The following ARHGEF10L variants were observed in gnomAD, a reference collection of about 807,000 sequenced individuals.
The protein encoded by ARHGEF10L is rho guanine nucleotide exchange factor 10-like protein.
ARHGEF10L carries 69 observed loss-of-function variants against 141.2 expected under a neutral mutation model. The ratio of observed to expected loss-of-function variants is 0.49; its 90% confidence interval spans 0.40 to 0.60. The LOEUF is 0.60. Ranked by LOEUF, ARHGEF10L falls within the 20% of genes least tolerant of loss-of-function variation. The probability of loss-of-function intolerance (pLI) is 0.00; values close to 1 mark genes in which losing one functional copy is unlikely to be tolerated. For missense variants in ARHGEF10L, 1,482 were observed against 1,734.3 expected, an observed-to-expected ratio of 0.85 and a Z score of 2.58; for synonymous variants, 711 against 718.5, an observed-to-expected ratio of 0.99 and a Z score of 0.17.
rs1283842130 is a variant in ARHGEF10L at position 17,607,706 on chromosome 1, C to A, written c.434-96C>A. The A allele has an allele frequency of 2.3e-6, 3 of 1,306,652 alleles. No homozygotes were observed. The highest frequency in any genetic ancestry group is 2.8e-4 in the Middle Eastern group (1 of 3,576). 80.9% of individuals were successfully genotyped at this position (1,306,652 alleles called of 1,614,324 possible). On this transcript the variant is annotated intron_variant, in intron 6 of 28. Coordinates refer to ENST00000361221, the MANE Select transcript of ARHGEF10L (RefSeq NM_018125.4). The surrounding 1 kb of genome is among the most constrained non-coding windows in gnomAD (Gnocchi z 4.5). ...GCCCCCATGTTCTCCCTGACCCCCCCTCGCCCCACCTGGGTTCAGAAATTG... is the reference window on the plus strand; with the variant it reads ...GCCCCCATGTTCTCCCTGACCCCCCATCGCCCCACCTGGGTTCAGAAATTG...
At chr1:17,574,598 G>A (rs971545482) in intron 1 of ARHGEF10L, among the ~76,000 whole-genome samples, 13 of 152,360 alleles carry the variant, frequency 8.5e-5, no homozygotes, top group African/African-American at 3.1e-4. Flanking sequence ...GAGAGCAGAG[G>A]ATGAGTGTTG....
rs781502644 is a variant in ARHGEF10L, at chr1:17,697,416, G to T, written c.*36G>T. 1.9e-6 allele frequency: 3 copies of T among 1,550,124 alleles called. No homozygotes were observed. The highest frequency in any genetic ancestry group is 2.3e-5 in the East Asian group (1 of 44,214). ...CTCCCCTCAGAGGGCACAGCTGCAG[G>T]CCTGACCAAGGCCACGCCCGGCTCT... On this transcript the variant is annotated 3_prime_UTR_variant, in exon 29 of 29. Coordinates refer to ENST00000361221, the MANE Select transcript of ARHGEF10L (RefSeq NM_018125.4). This position sits in a 1 kb window ranked among gnomAD's most constrained non-coding sequence, Gnocchi z 4.8.
chr1:17,622,816 G>A (rs902875709), intron 11 of ARHGEF10L, among the ~76,000 whole-genome samples, 180 bp from the exon 12 acceptor site: 1 of 152,158 alleles, frequency 6.6e-6, no homozygotes, highest in Non-Finnish European at 1.5e-5. Context: ...TGTGGCCAGT[G>A]AGGCCAGGGG....
chr1:17,587,563 C>G lies in ARHGEF10L; in HGVS notation c.141C>G (p.Ser47Arg), dbSNP rs749338288. Residue 47 changes from serine to arginine, a missense_variant, in exon 3 of 29, where the codon AGC (serine) becomes AGG (arginine). Physicochemically the swap from Ser to Arg is moderately radical, Grantham distance 110. Transcript: ENST00000361221. ...ACAGTGATGATGAAGAGGACACCAG[C>G]GCAGCCCTGGGCGTCCCCAGCCTTG... is the stretch of plus-strand genomic sequence containing the variant. ...FDDSDDEEDTSAALGVPSLAP... is the reference protein window; with the variant it reads ...FDDSDDEEDTRAALGVPSLAP... The G allele has an allele frequency of 1.9e-6, 3 of 1,614,062 alleles. No individual in the cohort carries two copies. Among genetic ancestry groups the G allele is most frequent in the Middle Eastern group, 1.6e-4 (1 of 6,082 alleles).
chr1:17,695,124 G>A, intron 27 of ARHGEF10L, 34 bp from the exon 28 acceptor site: 1 of 1,611,178 alleles, frequency 6.2e-7, no homozygotes, highest in Non-Finnish European at 8.5e-7. Flanking sequence ...GTCTCCCCAG[G>A]AGGGCACTGC....
intron 1 of ARHGEF10L, among the ~76,000 whole-genome samples, chr1:17,549,270 A>T (rs1195107639): frequency 6.7e-6 from 1 of 148,646 alleles, no homozygotes; most frequent in Non-Finnish European, 1.5e-5. Flanking sequence ...TGATTCTCCC[A>T]CCTCAGCCTC....
At chr1:17,519,871 A>C in the ARHGEF10L span, among the ~76,000 whole-genome samples, 1 of 151,704 alleles carries the variant, frequency 6.6e-6, no homozygotes, top group East Asian at 1.9e-4. Flanking sequence ...ACTGAGGCTC[A>C]GAGAGACAAG....
intron 9 of ARHGEF10L, among the ~76,000 whole-genome samples, chr1:17,616,941 C>T (rs778072755): frequency 2.0e-5 from 3 of 152,186 alleles, no homozygotes; most frequent in African/African-American, 4.8e-5. Context: ...CCAGGTGCTG[C>T]CCTATGAGCC....
Position 17,615,973 on chromosome 1 carries a change from G to A in ARHGEF10L, c.727-121G>A, listed in dbSNP as rs566454798. 11 of 771,298 alleles carry A rather than the reference G, an allele frequency of 1.4e-5. No homozygotes were observed. The African/African-American group carries it at 1.9e-4, about 13-fold the overall frequency. The allele number at this position is 771,298 out of a possible 1,614,324, so 47.8% of individuals were successfully genotyped here. A position where few individuals can be genotyped will look rare whatever the true frequency, so the allele number is the denominator to read the frequency against. ...GTCCTTGGCCTTTGCTCACGGACCT[G>A]GGAGGGAAGGGTCTGGGTGGTTCTG... On this transcript the variant is annotated intron_variant, in intron 8 of 28. Coordinates refer to ENST00000361221, the MANE Select transcript of ARHGEF10L (RefSeq NM_018125.4). The surrounding 1 kb of genome is among the most constrained non-coding windows in gnomAD (Gnocchi z 4.7).
intron 21 of ARHGEF10L, 134 bp from the exon 22 acceptor site, chr1:17,648,420 T>C: frequency 9.1e-7 from 1 of 1,100,776 alleles, no homozygotes; most frequent in Non-Finnish European, 1.3e-6. Flanking sequence ...CCGGCAGGAG[T>C]AGGGTGGGGA....
At chr1:17,632,503 C>T (rs2060754214) in intron 16 of ARHGEF10L, 37 bp downstream of exon 16, 1 of 1,612,760 alleles carries the variant, frequency 6.2e-7, no homozygotes, top group Non-Finnish European at 8.5e-7. Context: ...AATCACCCCT[C>T]CCTGGAGACC....
At chr1:17,676,700 A>G (rs2063746593) in intron 26 of ARHGEF10L, among the ~76,000 whole-genome samples, 1 of 151,994 alleles carries the variant, frequency 6.6e-6, no homozygotes, top group South Asian at 2.1e-4. Context: ...TGTGGCCCAA[A>G]GTCAAGGCCC....
intron 26 of ARHGEF10L, among the ~76,000 whole-genome samples, chr1:17,680,914 G>C (rs539080369): frequency 6.6e-6 from 1 of 151,968 alleles, no homozygotes; most frequent in Admixed American, 6.6e-5. Flanking sequence ...CTCCCAAGTA[G>C]CTGGGATTAC....
At chr1:17,532,026 G>A in the ARHGEF10L span, among the ~76,000 whole-genome samples, 4 of 152,128 alleles carry the variant, frequency 2.6e-5, no homozygotes, top group East Asian at 7.7e-4. Flanking sequence ...CCAGCCAAGT[G>A]TCACTGAAGT....
At chr1:17,590,962 G>A (rs1214415258) in intron 4 of ARHGEF10L, among the ~76,000 whole-genome samples, 1 of 152,220 alleles carries the variant, frequency 6.6e-6, no homozygotes, top group Non-Finnish European at 1.5e-5. Context: ...ACTCCAGCCT[G>A]TGTGACAAAG....
intron 7 of ARHGEF10L, among the ~76,000 whole-genome samples, chr1:17,611,227 T>C (rs2059532582): frequency 6.6e-6 from 1 of 152,194 alleles, no homozygotes; most frequent in Admixed American, 6.5e-5. Context: ...ATGGTTTTAT[T>C]ATGTGAAACT....
intron 4 of ARHGEF10L, among the ~76,000 whole-genome samples, chr1:17,590,644 G>A (rs924660620): frequency 5.3e-5 from 8 of 152,168 alleles, no homozygotes; most frequent in African/African-American, 1.7e-4. Flanking sequence ...ACGAATGATG[G>A]ACAGAAGGAC....
intron 4 of ARHGEF10L, among the ~76,000 whole-genome samples, chr1:17,589,576 C>T (rs1242636352): frequency 6.6e-6 from 1 of 152,220 alleles, no homozygotes; most frequent in Non-Finnish European, 1.5e-5. Flanking sequence ...AGAAGTCCTT[C>T]ATGTGCTCAT....
At position 17,623,085 on chromosome 1, in the gene ARHGEF10L, G is replaced by A; in HGVS notation, c.1110G>A (p.Leu370=). 1 of 1,614,174 alleles carries A rather than the reference G, an allele frequency of 6.2e-7. No homozygotes were observed. Among genetic ancestry groups the A allele is most frequent in the South Asian group, 1.1e-5 (1 of 91,082 alleles). Residue 370 remains leucine (L), a synonymous_variant, in exon 12 of 29, where the codon CTG becomes CTA. Coordinates refer to ENST00000361221, the MANE Select transcript of ARHGEF10L (RefSeq NM_018125.4). The surrounding 1 kb of genome is among the most constrained non-coding windows in gnomAD (Gnocchi z 4.7). ...TGTTCTTCCGCGTGAAGGAGATCCT[G>A]CACTGCCACTCCATGTTCCAGATCG... ...QVVFFRVKEI[L]HCHSMFQIAL...
Sources: gnomAD v4.1 joint callset for allele counts (sites outside exome capture counted in the v4.1 genomes callset) on GRCh38, gnomAD v4.1.1 for gene constraint, Gnocchi (gnomAD v3.1) non-coding constraint, MANE v1.5 for transcripts, NCBI Gene and HGNC (gene_info 2026-07-23, HGNC 2026-07-21) for gene names.